COL5A2: variants seen among roughly 807,000 people sequenced by gnomAD.
COL5A2 encodes collagen alpha-2(V) chain.
COL5A2 carries 23 observed loss-of-function variants against 208.2 expected under a neutral mutation model. The ratio of observed to expected loss-of-function variants is 0.11; its 90% CI spans 0.08 to 0.16. COL5A2 has a LOEUF of 0.16. Ranked by LOEUF, COL5A2 falls within the 10% of genes least tolerant of loss-of-function variation. The pLI, the probability that COL5A2 is intolerant of heterozygous loss-of-function variation, is 1.00. For missense variants in COL5A2, 1,590 were observed against 1,956.4 expected, an observed-to-expected ratio of 0.81 and a Z score of 3.53; for synonymous variants, 625 against 628.5, an observed-to-expected ratio of 0.99 and a Z score of 0.08.
intron 1 of COL5A2, among the ~76,000 whole-genome samples, chr2:189,142,674 A>G (rs768971090): frequency 6.6e-6 from 1 of 152,108 alleles, no homozygotes; most frequent in African/African-American, 2.4e-5. Flanking sequence ...CATCCTTCAG[A>G]TTTCTTTATA....
chr2:189,421,796 C>T, the COL5A2 span, among the ~76,000 whole-genome samples: 2 of 151,868 alleles, frequency 1.3e-5, no homozygotes, highest in Non-Finnish European at 2.9e-5. Context: ...GGAGGCAGAC[C>T]TCAGCAGCTG....
upstream of COL5A2, among the ~76,000 whole-genome samples, chr2:189,181,398 A>T (rs1200171872): frequency 3.3e-5 from 5 of 152,192 alleles, no homozygotes; most frequent in Admixed American, 2.0e-4. Flanking sequence ...CTAAGTAAGG[A>T]CCAAAAATCA....
the COL5A2 span, among the ~76,000 whole-genome samples, chr2:189,249,173 T>C: frequency 6.6e-6 from 1 of 152,178 alleles, no homozygotes; most frequent in African/African-American, 2.4e-5. Flanking sequence ...TCCTCTAAGA[T>C]GGCTATTGAA....
intron 1 of COL5A2, among the ~76,000 whole-genome samples, chr2:189,113,285 C>G (rs576368017): frequency 1.7e-4 from 26 of 152,040 alleles, no homozygotes; most frequent in Non-Finnish European, 3.5e-4. Flanking sequence ...TAAAGTTAGC[C>G]AGGCACAGTG....
the COL5A2 span, among the ~76,000 whole-genome samples, chr2:189,306,509 A>T: frequency 6.6e-6 from 1 of 152,214 alleles, no homozygotes; most frequent in Non-Finnish European, 1.5e-5. Flanking sequence ...GAATGCTGTC[A>T]GAACCATTTT....
chr2:189,104,651 T>C (rs1203195243), intron 2 of COL5A2, among the ~76,000 whole-genome samples: 2 of 151,834 alleles, frequency 1.3e-5, no homozygotes, highest in Admixed American at 6.6e-5. Flanking sequence ...AGCAAAAATG[T>C]ATTAAAAGTA....
intron 50 of COL5A2, 27 bp from the exon 51 acceptor site, chr2:189,039,590 T>C: frequency 3.1e-6 from 5 of 1,607,906 alleles, no homozygotes; most frequent in Non-Finnish European, 4.2e-6. Flanking sequence ...TGGAAAGACA[T>C]TTAACACATT....
intron 1 of COL5A2, among the ~76,000 whole-genome samples, chr2:189,225,021 A>C (rs1223248132): frequency 5.9e-5 from 9 of 152,200 alleles, no homozygotes; most frequent in Admixed American, 5.9e-4. Flanking sequence ...ATATCAAAAC[A>C]ATGAGACATT....
At chr2:189,092,828 T>C (rs760865178) in intron 6 of COL5A2, among the ~76,000 whole-genome samples, 3 of 152,220 alleles carry the variant, frequency 2.0e-5, no homozygotes, top group Non-Finnish European at 4.4e-5. Flanking sequence ...TACAGTTAAC[T>C]ATGTATACGT....
In COL5A2 at chr2:189,043,249, C is replaced by T. The variant is rs151187317; in HGVS notation, c.3373G>A (p.Gly1125Arg). ...TGATCACCTTTGTCACCACGAGGTCCTTGGGGTCCCTAGAAATAGAGATAT... is the reference window on the plus strand; with the variant it reads ...TGATCACCTTTGTCACCACGAGGTCTTTGGGGTCCCTAGAAATAGAGATAT... ...AGKRGLPGPQ[G>R]PRGDKGDHGD... The change falls in exon 48 of 54, where the codon GGA (glycine) becomes AGA (arginine). Residue 1125 changes from glycine (G) to arginine (R), a missense_variant. By Grantham distance (125) the Gly-to-Arg change is moderately radical (BLOSUM62 -2). Transcript: ENST00000374866. 4.7e-5 allele frequency: 75 copies of T among 1,611,530 alleles called. No individual in the cohort carries two copies. Among genetic ancestry groups the T allele is most frequent in the Non-Finnish European group, 6.3e-5 (74 of 1,177,824 alleles).
At chr2:189,060,294 C>A (rs1172047951) in intron 31 of COL5A2, among the ~76,000 whole-genome samples, 2 of 152,130 alleles carry the variant, frequency 1.3e-5, no homozygotes, top group Non-Finnish European at 2.9e-5. Flanking sequence ...CCATTTTGTT[C>A]AGCTGGTTCA....
At chr2:189,432,624 G>A in the COL5A2 span, among the ~76,000 whole-genome samples, 1 of 152,164 alleles carries the variant, frequency 6.6e-6, no homozygotes, top group Admixed American at 6.5e-5. Context: ...TCAACAAGAA[G>A]AGCTAACTAT....
At chr2:189,056,077 C>G (rs775124632) in intron 35 of COL5A2, among the ~76,000 whole-genome samples, 2 of 152,142 alleles carry the variant, frequency 1.3e-5, no homozygotes, top group African/African-American at 2.4e-5. Flanking sequence ...ACTAATTACC[C>G]TTAAGATGAA....
At chr2:189,149,241 T>C (rs1403598521) in intron 1 of COL5A2, among the ~76,000 whole-genome samples, 1 of 152,162 alleles carries the variant, frequency 6.6e-6, no homozygotes, top group Non-Finnish European at 1.5e-5. Context: ...TAGGTGAAGA[T>C]TTTCCCATGA....
chr2:189,299,074 T>C, the COL5A2 span, among the ~76,000 whole-genome samples: 2 of 152,206 alleles, frequency 1.3e-5, no homozygotes, highest in Non-Finnish European at 2.9e-5. Flanking sequence ...TCTAAAGTTG[T>C]ATTTTGCTTT....
the COL5A2 span, among the ~76,000 whole-genome samples, chr2:189,266,053 A>C: frequency 6.6e-6 from 1 of 152,344 alleles, no homozygotes. Context: ...GGTGAAAACA[A>C]GCCAAATGTC....
the COL5A2 span, among the ~76,000 whole-genome samples, chr2:189,424,005 A>G: frequency 4.6e-5 from 7 of 152,184 alleles, no homozygotes; most frequent in African/African-American, 9.6e-5. Context: ...CTTCACCATG[A>G]TCAAGTGGGA....
chr2:189,333,573 C>G, the COL5A2 span, among the ~76,000 whole-genome samples: 1 of 152,032 alleles, frequency 6.6e-6, no homozygotes, highest in African/African-American at 2.4e-5. Context: ...GTCCTAACCC[C>G]CAGTACCTCA....
chr2:189,324,579 T>C, the COL5A2 span, among the ~76,000 whole-genome samples: 1 of 140,954 alleles, frequency 7.1e-6, no homozygotes, highest in Admixed American at 7.4e-5. Flanking sequence ...TCATCATCAC[T>C]GGCCATGAGA....
Sources: allele counts gnomAD v4.1 joint callset (sites outside exome capture counted in the v4.1 genomes callset), GRCh38; gene constraint gnomAD v4.1.1; transcripts MANE v1.5; gene names NCBI Gene and HGNC (gene_info 2026-07-23, HGNC 2026-07-21).